The following USH2A variants were observed in gnomAD, a reference collection of about 807,000 sequenced individuals.
USH2A encodes usherin.
A neutral mutation model predicts 538.9 loss-of-function variants in USH2A; 443 were observed. The ratio of observed to expected loss-of-function variants is 0.82; its 90% CI spans 0.76 to 0.89. The LOEUF is 0.89. USH2A is among the 40% of genes least tolerant of loss of function. The pLI, the probability that USH2A is intolerant of heterozygous loss-of-function variation, is 0.00. For synonymous variants in USH2A, 2,413 were observed against 2,273.5 expected (o/e 1.06, Z -1.75); for missense variants, 6,633 against 6,324.8 (o/e 1.05, Z -1.65).
At chr1:215,839,142 A>C (rs1001086309) in intron 46 of USH2A, among the ~76,000 whole-genome samples, 3 of 152,198 alleles carry the variant, frequency 2.0e-5, no homozygotes, top group Non-Finnish European at 4.4e-5. Flanking sequence ...AGGTATTAAT[A>C]GTGGATATTT....
At chr1:215,853,625 T>C (rs1047266731) in intron 44 of USH2A, among the ~76,000 whole-genome samples, 2 of 152,226 alleles carry the variant, frequency 1.3e-5, no homozygotes, top group Non-Finnish European at 2.9e-5. Flanking sequence ...TAAAACTGAA[T>C]GCCTTTAACA....
chr1:216,135,835 G>C (rs913586031), intron 21 of USH2A, among the ~76,000 whole-genome samples: 9 of 152,116 alleles, frequency 5.9e-5, no homozygotes, highest in African/African-American at 1.7e-4. Flanking sequence ...TAGAATTTTT[G>C]CTTGTTAGAA....
chr1:215,966,241 G>A (rs903836545), intron 36 of USH2A, among the ~76,000 whole-genome samples: 5 of 152,120 alleles, frequency 3.3e-5, no homozygotes, highest in African/African-American at 1.2e-4. Flanking sequence ...AGATAAATAA[G>A]TAAAATAAGT....
At chr1:216,189,407 C>A (rs1334499285) in intron 20 of USH2A, among the ~76,000 whole-genome samples, 1 of 151,842 alleles carries the variant, frequency 6.6e-6, no homozygotes, top group East Asian at 1.9e-4. Context: ...AACCTCCTTA[C>A]ACATGGACAT....
intron 47 of USH2A, among the ~76,000 whole-genome samples, chr1:215,831,881 C>A (rs938201746): frequency 6.6e-6 from 1 of 151,780 alleles, no homozygotes; most frequent in Non-Finnish European, 1.5e-5. Flanking sequence ...AAAAATGGTT[C>A]TTTGAAAAGA....
intron 44 of USH2A, among the ~76,000 whole-genome samples, chr1:215,852,768 C>A (rs1393355781): frequency 6.6e-6 from 1 of 152,196 alleles, no homozygotes; most frequent in Non-Finnish European, 1.5e-5. Flanking sequence ...GCAGGGAAGT[C>A]AAATCTTAAA....
chr1:215,964,869 A>G (rs1407006145), intron 37 of USH2A, among the ~76,000 whole-genome samples: 1 of 152,218 alleles, frequency 6.6e-6, no homozygotes, highest in Non-Finnish European at 1.5e-5. Flanking sequence ...GATAGTTCAG[A>G]AATCTAAAAC....
At chr1:216,162,732 G>T (rs796418679) in intron 21 of USH2A, among the ~76,000 whole-genome samples, 18 of 152,140 alleles carry the variant, frequency 1.2e-4, no homozygotes, top group African/African-American at 4.3e-4. Flanking sequence ...TCGAGTGAAA[G>T]CTCAGAGTAT....
rs397518035 is a variant in USH2A, at chr1:215,888,449, C to T, written c.8200G>A (p.Val2734Met). 9 of 1,613,536 alleles carry T rather than the reference C, an allele frequency of 5.6e-6. No individual in the cohort carries two copies. Among genetic ancestry groups the T allele is most frequent in the Admixed American group, 3.3e-5 (2 of 60,032 alleles). Residue 2734 changes from valine (V) to methionine (M), a missense_variant, in exon 41 of 72, where the codon GTG becomes ATG. By Grantham distance (21) the Val-to-Met change is conservative (BLOSUM62 1). Transcript: ENST00000307340. ...ACCTGGACTGCATCGGGTTCCAGCA[C>T]TGTCACCACAGGTGGCTGCACCCCA... ...PAGVQPPVVT[V>M]LEPDAVQVTW...
intron 52 of USH2A, among the ~76,000 whole-genome samples, chr1:215,783,454 G>A (rs1401345946): frequency 2.0e-5 from 3 of 152,120 alleles, no homozygotes; most frequent in African/African-American, 7.2e-5. Flanking sequence ...AAAAATGAAA[G>A]CATACTCTGC....
At chr1:215,850,788 A>G (rs1256718302) in intron 44 of USH2A, among the ~76,000 whole-genome samples, 2 of 152,228 alleles carry the variant, frequency 1.3e-5, no homozygotes, top group Admixed American at 6.5e-5. Context: ...AGTCCATATG[A>G]TAAGCCACAA....
chr1:215,962,350 C>T (rs990342926), intron 37 of USH2A, among the ~76,000 whole-genome samples: 2 of 151,922 alleles, frequency 1.3e-5, no homozygotes, highest in Non-Finnish European at 2.9e-5. Context: ...AGGACATTCC[C>T]ATATGTTTAT....
chr1:215,632,022 C>A (rs1310056552), intron 70 of USH2A, among the ~76,000 whole-genome samples: 1 of 152,130 alleles, frequency 6.6e-6, no homozygotes, highest in Non-Finnish European at 1.5e-5. Flanking sequence ...TTCAGCTGTT[C>A]TCAAATCTTG....
chr1:216,411,499 AG>A (rs1291726171), intron 3 of USH2A, among the ~76,000 whole-genome samples: 2 of 152,172 alleles, frequency 1.3e-5, no homozygotes, highest in African/African-American at 4.8e-5. Context: ...TAAGAAGAGA[AG>A]ACACACACGA....
At chr1:215,795,649 C>T (rs898329431) in intron 50 of USH2A, among the ~76,000 whole-genome samples, 1 of 152,164 alleles carries the variant, frequency 6.6e-6, no homozygotes, top group Non-Finnish European at 1.5e-5. Flanking sequence ...GGAGGTAACA[C>T]TTTTGCACCC....
chr1:215,732,749 G>A (rs931050180), intron 60 of USH2A, among the ~76,000 whole-genome samples: 2 of 151,460 alleles, frequency 1.3e-5, no homozygotes, highest in African/African-American at 4.9e-5. Context: ...CACTGTGTTA[G>A]CCAGGATGGT....
intron 13 of USH2A, 51 bp from the exon 14 acceptor site, chr1:216,232,187 T>A (rs1224220856): frequency 1.3e-6 from 2 of 1,547,852 alleles, no homozygotes; most frequent in African/African-American, 2.8e-5. Context: ...TCCACTCTTT[T>A]ATTTAAAGCA....
At chr1:215,951,445 A>T (rs1245524458) in intron 37 of USH2A, among the ~76,000 whole-genome samples, 1 of 152,088 alleles carries the variant, frequency 6.6e-6, no homozygotes, top group Non-Finnish European at 1.5e-5. Context: ...CTATTCTTTT[A>T]CATTTGCTGA....
In USH2A at chr1:216,137,966, C is replaced by T. The variant is rs114047228; in HGVS notation, c.4627+37286G>A. ...ATAACATATTTTGAATTTAAAAAAA[C>T]GACAAGATGAAAACTTTCATCTAAA... On this transcript the variant is annotated intron_variant, in intron 21 of 71. Coordinates refer to ENST00000307340, the MANE Select transcript of USH2A (RefSeq NM_206933.4). 2.6e-3 allele frequency among the ~76,000 whole-genome samples: 388 copies of T among 152,010 alleles called. 1 individual carries two copies. Among genetic ancestry groups the T allele is most frequent in the Non-Finnish European group, 3.9e-3 (268 of 67,988 alleles).
Sources: gnomAD v4.1 joint callset for allele counts (sites outside exome capture counted in the v4.1 genomes callset) on GRCh38, gnomAD v4.1.1 for gene constraint, MANE v1.5 for transcripts, NCBI Gene and HGNC (gene_info 2026-07-23, HGNC 2026-07-21) for gene names.